Variants in CRPPA observed in about 807,000 individuals in gnomAD.
CRPPA encodes the protein D-ribitol-5-phosphate cytidylyltransferase.
CRPPA carries 43 observed loss-of-function variants against 52.0 expected under a neutral mutation model. The ratio of observed to expected loss-of-function variants is 0.83; its 90% CI spans 0.65 to 1.07. The LOEUF is 1.07. CRPPA is among the 50% of genes least tolerant of loss of function. The probability of loss-of-function intolerance (pLI) is 0.00; values close to 1 mark genes in which losing one functional copy is unlikely to be tolerated. For missense variants in CRPPA, 629 were observed against 551.7 expected, an observed-to-expected ratio of 1.14 and a Z score of -1.40; for synonymous variants, 250 against 203.5, an observed-to-expected ratio of 1.23 and a Z score of -1.94.
chr7:16,212,859 G>A (rs1022509096), intron 9 of CRPPA, among the ~76,000 whole-genome samples: 11 of 152,258 alleles, frequency 7.2e-5, no homozygotes, highest in Admixed American at 7.2e-4. Flanking sequence ...CTAGCTCAGT[G>A]AAAGAAACAA....
chr7:16,372,714 G>A (rs1240740285), intron 3 of CRPPA, among the ~76,000 whole-genome samples: 1 of 152,054 alleles, frequency 6.6e-6, no homozygotes, highest in East Asian at 1.9e-4. Flanking sequence ...GAATGTAAAT[G>A]GCCTATATGC....
chr7:16,251,368 C>G (rs933168403), intron 8 of CRPPA, among the ~76,000 whole-genome samples: 5 of 152,122 alleles, frequency 3.3e-5, no homozygotes, highest in Non-Finnish European at 7.4e-5. Flanking sequence ...AGCTCTGATA[C>G]AAATGGACCT....
intron 8 of CRPPA, among the ~76,000 whole-genome samples, chr7:16,244,387 C>A (rs927869130): frequency 1.3e-5 from 2 of 152,166 alleles, no homozygotes; most frequent in Non-Finnish European, 2.9e-5. Flanking sequence ...CATTAACTAT[C>A]CACTCACTGC....
At chr7:16,148,677 T>C (rs1026561703) in intron 9 of CRPPA, among the ~76,000 whole-genome samples, 2 of 152,088 alleles carry the variant, frequency 1.3e-5, no homozygotes, top group African/African-American at 4.8e-5. Context: ...GGTTAATGTA[T>C]AGAAAATTAC....
intron 9 of CRPPA, among the ~76,000 whole-genome samples, chr7:16,213,889 C>T (rs1173442216): frequency 6.6e-6 from 1 of 152,094 alleles, no homozygotes; most frequent in Non-Finnish European, 1.5e-5. Context: ...AGAGATAAGG[C>T]CTGGTTTAAA....
At chr7:16,260,619 T>C (rs1184478127) in intron 6 of CRPPA, among the ~76,000 whole-genome samples, 2 of 152,124 alleles carry the variant, frequency 1.3e-5, no homozygotes, top group African/African-American at 4.8e-5. Flanking sequence ...AAGTAAGGTA[T>C]AGTCTCACAT....
intron 4 of CRPPA, among the ~76,000 whole-genome samples, chr7:16,304,690 G>A (rs907292823): frequency 2.6e-5 from 4 of 152,064 alleles, no homozygotes; most frequent in African/African-American, 9.7e-5. Context: ...ATCCTCCTAG[G>A]ATTTCTGGTG....
At chr7:16,270,294 G>C (rs1784061798) in intron 6 of CRPPA, 1 of 151,996 alleles carries the variant, frequency 6.6e-6, no homozygotes, top group African/African-American at 2.4e-5. Context: ...CCTTTAGGAA[G>C]AGTAATATTT....
chr7:16,310,675 T>C (rs954281322), intron 3 of CRPPA, among the ~76,000 whole-genome samples: 10 of 143,148 alleles, frequency 7.0e-5, no homozygotes, highest in African/African-American at 2.6e-4. Context: ...CAGAAAAAGA[T>C]AGACGAAAAC....
chr7:16,169,769 G>A (rs566245495), intron 9 of CRPPA, among the ~76,000 whole-genome samples: 1 of 152,230 alleles, frequency 6.6e-6, no homozygotes, highest in East Asian at 1.9e-4. Context: ...ACCACTTCTG[G>A]ACAACTGGCT....
rs188743050 is a variant in CRPPA at position 16,111,526 on chromosome 7, G to C, written c.1252-19727C>G. On this transcript the variant is annotated intron_variant, in intron 9 of 9. Coordinates refer to ENST00000407010, the MANE Select transcript of CRPPA (RefSeq NM_001101426.4). ...TAGCCAAGTTATGGGATTAATATAA[G>C]AGTCCATCAACAGATTTATTGTTTA... is the stretch of plus-strand genomic sequence containing the variant. Among the ~76,000 whole-genome samples, 15 of 152,318 alleles carry C rather than the reference G, an allele frequency of 9.8e-5. No individual in the cohort carries two copies. In the East Asian group the frequency reaches 2.9e-3, roughly 29 times the overall value.
At chr7:16,302,199 G>C (rs1280425325) in intron 4 of CRPPA, among the ~76,000 whole-genome samples, 1 of 150,028 alleles carries the variant, frequency 6.7e-6, no homozygotes, top group Non-Finnish European at 1.5e-5. Context: ...GGGAGGCTGA[G>C]GCAGGAGAAT....
chr7:16,253,479 A>T (rs1783517909), intron 8 of CRPPA, among the ~76,000 whole-genome samples: 1 of 152,172 alleles, frequency 6.6e-6, no homozygotes. Context: ...ACAGACTGTT[A>T]CGATTTCTGT....
intron 3 of CRPPA, among the ~76,000 whole-genome samples, chr7:16,319,392 C>T (rs993777336): frequency 2.0e-5 from 3 of 152,098 alleles, no homozygotes; most frequent in African/African-American, 7.2e-5. Flanking sequence ...CTAGGAACTC[C>T]CTACATCACC....
At chr7:16,287,714 A>T (rs1583493901) in intron 5 of CRPPA, among the ~76,000 whole-genome samples, 2 of 152,018 alleles carry the variant, frequency 1.3e-5, no homozygotes, top group Non-Finnish European at 2.9e-5. Context: ...TTGAGGTCAG[A>T]AGTTCAAGAC....
chr7:16,199,426 C>A (rs1015395702), intron 9 of CRPPA, among the ~76,000 whole-genome samples: 1 of 152,072 alleles, frequency 6.6e-6, no homozygotes, highest in African/African-American at 2.4e-5. Context: ...TTAAAAAAAT[C>A]TGTATCAAAG....
intron 3 of CRPPA, among the ~76,000 whole-genome samples, chr7:16,352,718 T>C (rs1786187572): frequency 6.6e-6 from 1 of 152,276 alleles, no homozygotes; most frequent in Non-Finnish European, 1.5e-5. Context: ...AGAATTATTA[T>C]ATGATCCAGC....
At chr7:16,196,079 T>C (rs1781726999) in intron 9 of CRPPA, among the ~76,000 whole-genome samples, 1 of 152,182 alleles carries the variant, frequency 6.6e-6, no homozygotes, top group East Asian at 1.9e-4. Flanking sequence ...TACATGTATA[T>C]ATGTAGTATA....
At chr7:16,242,912 G>C (rs1783163221) in intron 8 of CRPPA, among the ~76,000 whole-genome samples, 1 of 152,104 alleles carries the variant, frequency 6.6e-6, no homozygotes, top group South Asian at 2.1e-4. Flanking sequence ...ATTAAGAACA[G>C]AACATTTATA....
Sources: gnomAD v4.1 joint callset for allele counts (sites outside exome capture counted in the v4.1 genomes callset) on GRCh38, gnomAD v4.1.1 for gene constraint, MANE v1.5 for transcripts, NCBI Gene and HGNC (gene_info 2026-07-23, HGNC 2026-07-21) for gene names.